The following RNF144A variants were observed in gnomAD, a reference collection of about 807,000 sequenced individuals.
RNF144A encodes ring finger protein 144A.
In RNF144A, 11 loss-of-function variants were observed where a neutral mutation model predicts 38.7. The observed-to-expected ratio is 0.28, with a 90% CI of 0.18 to 0.47. The LOEUF (loss-of-function observed/expected upper bound fraction) is 0.47, where lower values mean the gene tolerates loss of function less well. Ranked by LOEUF, RNF144A falls within the 20% of genes least tolerant of loss-of-function variation. The pLI, the probability that RNF144A is intolerant of heterozygous loss-of-function variation, is 0.99. For missense variants in RNF144A, 316 were observed against 377.2 expected, an observed-to-expected ratio of 0.84 and a Z score of 1.34; for synonymous variants, 149 against 143.9, an observed-to-expected ratio of 1.04 and a Z score of -0.25.
rs35114772 is a variant in RNF144A at position 7,005,917 on chromosome 2, C to CTT, written c.136-8522_136-8521dup. ...ACCTGCTCCTTGCATATCTGCCACTCTTTTTTTTTTTTTTTTAACTTGTGG... is the reference window on the plus strand; with the variant it reads ...ACCTGCTCCTTGCATATCTGCCACTCTTTTTTTTTTTTTTTTTTAACTTGTGG... On this transcript the variant is annotated intron_variant, in intron 3 of 8. Transcript: ENST00000320892. Among the ~76,000 whole-genome samples the CTT allele has an allele frequency of 4.5e-3, 627 of 140,380 alleles. 1 individual carries two copies. Among genetic ancestry groups the CTT allele is most frequent in the Non-Finnish European group, 7.6e-3 (488 of 64,140 alleles). 92.1% of individuals were successfully genotyped at this position (140,380 alleles called of 152,430 possible). A position where few individuals can be genotyped will look rare whatever the true frequency, so the allele number is the denominator to read the frequency against.
At chr2:7,025,703 A>G (rs1671846681) in intron 7 of RNF144A, among the ~76,000 whole-genome samples, 2 of 152,216 alleles carry the variant, frequency 1.3e-5, no homozygotes, top group Admixed American at 1.3e-4. Flanking sequence ...AAATAAAACT[A>G]TAATTAAATA....
In RNF144A at chr2:7,034,615, T is replaced by A. The variant is rs141775430; in HGVS notation, c.747+4400T>A. Among the ~76,000 whole-genome samples, 348 of 152,328 alleles carry A rather than the reference T, an allele frequency of 2.3e-3. 1 individual carries two copies. Among genetic ancestry groups the A allele is most frequent in the African/African-American group, 8.0e-3 (331 of 41,578 alleles). On this transcript the variant is annotated intron_variant, in intron 8 of 8. Transcript: ENST00000320892. ...TAGCACCAGGTGCCTTTGTGGCACG[T>A]GCACCTGCCAGGCTGTGGGAAACTC...
intron 8 of RNF144A, among the ~76,000 whole-genome samples, chr2:7,034,886 G>C (rs1438822311): frequency 1.3e-5 from 2 of 152,174 alleles, no homozygotes; most frequent in Admixed American, 6.5e-5. Context: ...TGGGAAGTTA[G>C]GGGCAGAGTC....
intron 6 of RNF144A, among the ~76,000 whole-genome samples, chr2:7,055,005 T>A (rs1045178137): frequency 2.0e-5 from 3 of 152,158 alleles, no homozygotes; most frequent in African/African-American, 7.2e-5. Context: ...TCTGCCACCA[T>A]GCCCTGCAGT....
At chr2:7,066,010 G>C (rs1674198469) in intron 6 of RNF144A, among the ~76,000 whole-genome samples, 1 of 152,038 alleles carries the variant, frequency 6.6e-6, no homozygotes, top group African/African-American at 2.4e-5. Context: ...ATATTTTAGT[G>C]ACTTTTTGTT....
chr2:7,049,211 G>A (rs766831580), intron 6 of RNF144A, among the ~76,000 whole-genome samples: 1 of 152,196 alleles, frequency 6.6e-6, no homozygotes, highest in Non-Finnish European at 1.5e-5. Flanking sequence ...CCAGGCAGAG[G>A]AGGGTAAGGG....
chr2:7,020,486 T>G lies in RNF144A; in HGVS notation c.315T>G (p.Asp105Glu). The G allele has an allele frequency of 6.2e-7, 1 of 1,613,752 alleles. No homozygotes were observed. The highest frequency in any genetic ancestry group is 1.6e-4 in the Middle Eastern group (1 of 6,062). ...KLQFEREVLFDPCRTWCPAST... is the reference protein window; with the variant it reads ...KLQFEREVLFEPCRTWCPAST... The stretch of plus-strand genomic sequence containing the variant: ...TCACTGTACCAGAGGTGCTGTTTGA[T>G]CCCTGTCGGACTTGGTGCCCGGCGT... Residue 105 changes from aspartate to glutamate, a missense_variant, in exon 6 of 9, where the codon GAT (aspartate) becomes GAG (glutamate). Asp to Glu is a conservative substitution (Grantham distance 45). Transcript: ENST00000320892.
chr2:7,028,390 A>G (rs1041873733), intron 7 of RNF144A, among the ~76,000 whole-genome samples: 1 of 152,196 alleles, frequency 6.6e-6, no homozygotes, highest in Non-Finnish European at 1.5e-5. Context: ...ATGGATCAGA[A>G]TCACTTAGGG....
intron 6 of RNF144A, among the ~76,000 whole-genome samples, chr2:7,051,876 T>G (rs1251049369): frequency 1.3e-5 from 2 of 152,186 alleles, no homozygotes; most frequent in Admixed American, 1.3e-4. Context: ...CTGGTCTGGC[T>G]GCTTCAACCT....
intron 3 of RNF144A, among the ~76,000 whole-genome samples, chr2:7,013,188 A>G (rs935042825): frequency 5.3e-5 from 8 of 152,218 alleles, no homozygotes; most frequent in Non-Finnish European, 1.0e-4. Context: ...GTATTCTTCT[A>G]TACTTTTTCA....
intron 7 of RNF144A, among the ~76,000 whole-genome samples, chr2:7,025,229 C>A (rs996330930): frequency 6.6e-6 from 1 of 152,244 alleles, no homozygotes; most frequent in Non-Finnish European, 1.5e-5. Flanking sequence ...CAGGCCCACA[C>A]GTCTCTGGAG....
chr2:7,033,468 C>T (rs1672458549), intron 8 of RNF144A, among the ~76,000 whole-genome samples: 1 of 152,246 alleles, frequency 6.6e-6, no homozygotes, highest in Non-Finnish European at 1.5e-5. Context: ...CTTCCCTGCT[C>T]CTCCAGGCTC....
chr2:7,067,865 T>C (rs1674298553), intron 6 of RNF144A, among the ~76,000 whole-genome samples: 1 of 152,164 alleles, frequency 6.6e-6, no homozygotes, highest in Non-Finnish European at 1.5e-5. Context: ...GATATCTGAC[T>C]CAGTATTTTC....
chr2:6,940,898 C>G (rs1468205716), intron 1 of RNF144A, 50 bp from the exon 2 acceptor site: 3 of 152,302 alleles, frequency 2.0e-5, no homozygotes, highest in African/African-American at 7.2e-5. Flanking sequence ...GTGCCCTGCT[C>G]CTCTCCTCCC....
At chr2:7,066,973 G>A (rs776488127) in intron 6 of RNF144A, among the ~76,000 whole-genome samples, 2 of 152,254 alleles carry the variant, frequency 1.3e-5, no homozygotes, top group Non-Finnish European at 1.5e-5. Flanking sequence ...GAGCCTAGGT[G>A]GTCAATCATT....
intron 6 of RNF144A, among the ~76,000 whole-genome samples, chr2:7,050,818 T>C (rs1558465190): frequency 6.6e-6 from 1 of 152,140 alleles, no homozygotes. Flanking sequence ...TGGAGGGGAA[T>C]GTCGAAGGGA....
chr2:7,049,534 A>G (rs571730339), intron 6 of RNF144A, among the ~76,000 whole-genome samples: 1 of 152,360 alleles, frequency 6.6e-6, no homozygotes, highest in Non-Finnish European at 1.5e-5. Context: ...GAAGATGACA[A>G]AAATTCAACT....
At chr2:7,016,767 A>G (rs559722075) in intron 5 of RNF144A, among the ~76,000 whole-genome samples, 2 of 152,262 alleles carry the variant, frequency 1.3e-5, no homozygotes, top group South Asian at 2.1e-4. Context: ...GACTGTCTCT[A>G]TGGCTCTAAA....
At chr2:7,027,804 C>T (rs990679657) in intron 7 of RNF144A, among the ~76,000 whole-genome samples, 10 of 152,200 alleles carry the variant, frequency 6.6e-5, no homozygotes, top group African/African-American at 2.4e-4. Context: ...AGGGCATCAT[C>T]AATAAACTAA....
Sources: allele counts gnomAD v4.1 joint callset (sites outside exome capture counted in the v4.1 genomes callset), GRCh38; gene constraint gnomAD v4.1.1; transcripts MANE v1.5; gene names NCBI Gene and HGNC (gene_info 2026-07-23, HGNC 2026-07-21).